ANKRD28: variants seen among roughly 807,000 people sequenced by gnomAD.
ANKRD28 encodes ankyrin repeat domain 28.
Under a neutral mutation model 126.5 loss-of-function variants are expected in ANKRD28, and 44 were observed. The ratio of observed to expected loss-of-function variants is 0.35; its 90% CI spans 0.27 to 0.45. ANKRD28 has a LOEUF of 0.45. Ranked by LOEUF, ANKRD28 falls within the 20% of genes least tolerant of loss-of-function variation. ANKRD28 has a pLI of 1.00. For missense variants in ANKRD28, 1,110 were observed against 1,316.6 expected (o/e 0.84, Z 2.43); for synonymous variants, 442 against 468.5 (o/e 0.94, Z 0.73).
chr3:15,676,005 T>C lies in ANKRD28; in HGVS notation c.2874-16A>G. Reference sequence around the variant, plus strand: ...ATGCAGAGGTCTAGGGGAAAAAACATGATACATGTACACATATGTGCATGT... The same window carrying C: ...ATGCAGAGGTCTAGGGGAAAAAACACGATACATGTACACATATGTGCATGT... On this transcript the variant is annotated splice_polypyrimidine_tract_variant and intron_variant, in intron 26 of 27. Transcript: ENST00000683139. 2 of 1,606,458 alleles carry C rather than the reference T, an allele frequency of 1.2e-6. No homozygotes were observed. Among genetic ancestry groups the C allele is most frequent in the African/African-American group, 1.3e-5 (1 of 74,896 alleles).
chr3:15,767,742 G>T (rs578203790), intron 2 of ANKRD28, among the ~76,000 whole-genome samples: 10 of 90,220 alleles, frequency 1.1e-4, no homozygotes, highest in Non-Finnish European at 1.6e-4. Context: ...AAAAAAAAAA[G>T]CCGCACGTGG....
chr3:15,755,713 T>TG (rs1279840876), intron 3 of ANKRD28, among the ~76,000 whole-genome samples: 2 of 152,170 alleles, frequency 1.3e-5, no homozygotes, highest in African/African-American at 4.8e-5. Context: ...AAACCAAATG[T>TG]CGTTAACCGC....
In ANKRD28 at chr3:15,843,895, A is replaced by C. The variant is rs952957792; in HGVS notation, c.27+15482T>G. The stretch of plus-strand genomic sequence containing the variant: ...AGAAGATGGAGATGAAAAGGAGAAG[A>C]CTGAAAGCGTGTGTACATTAGGAGT... On this transcript the variant is annotated intron_variant, in intron 1 of 27. Coordinates refer to the ANKRD28 transcript ENST00000399451. This position sits in a 1 kb window ranked among gnomAD's most constrained non-coding sequence, Gnocchi z 5.2. Among the ~76,000 whole-genome samples, 1 of 152,158 alleles carries C rather than the reference A, an allele frequency of 6.6e-6. No individual in the cohort carries two copies. The highest frequency in any genetic ancestry group is 1.5e-5 in the Non-Finnish European group (1 of 68,016).
Position 15,839,773 on chromosome 3 carries a change from T to A in ANKRD28, c.27+19604A>T, listed in dbSNP as rs575924469. Among the ~76,000 whole-genome samples, 17 of 152,202 alleles carry A rather than the reference T, an allele frequency of 1.1e-4. 1 individual carries two copies. In the South Asian group the frequency reaches 3.1e-3, roughly 28 times the overall value. On this transcript the variant is annotated intron_variant, in intron 1 of 27. Transcript: ENST00000399451. The surrounding 1 kb of genome is among the most constrained non-coding windows in gnomAD (Gnocchi z 4.3). ...ACATGCAATCAATTAATATGATACA[T>A]CATATCAACAAAATGAAGGACAAAA...
chr3:15,705,210 G>T (rs1294328824), intron 14 of ANKRD28, among the ~76,000 whole-genome samples: 1 of 152,124 alleles, frequency 6.6e-6, no homozygotes, highest in African/African-American at 2.4e-5. Context: ...TTTATATTCA[G>T]TAAGAAAACT....
rs1395499802 is a variant in ANKRD28, at chr3:15,674,756, T to C, written c.2965+1142A>G. On this transcript the variant is annotated intron_variant, in intron 27 of 27. Coordinates refer to ENST00000683139, the MANE Select transcript of ANKRD28 (RefSeq NM_001349278.2). The stretch of plus-strand genomic sequence containing the variant: ...AAAGAAATTAAGAAGGAATAACTAG[T>C]AATGTAGAAGGAAAACCAAGGAAGA... Among the ~76,000 whole-genome samples, 3 of 151,910 alleles carry C rather than the reference T, an allele frequency of 2.0e-5. No individual in the cohort carries two copies. The East Asian group carries it at 5.8e-4, about 29-fold the overall frequency.
chr3:15,769,423 C>T (rs2058893454), intron 2 of ANKRD28, among the ~76,000 whole-genome samples: 1 of 152,146 alleles, frequency 6.6e-6, no homozygotes, highest in Admixed American at 6.5e-5. Context: ...TCCCCTTAGA[C>T]ACAGTAATTC....
At chr3:15,765,732 C>T (rs1198333881) in intron 3 of ANKRD28, among the ~76,000 whole-genome samples, 9 of 151,544 alleles carry the variant, frequency 5.9e-5, no homozygotes, top group African/African-American at 1.7e-4. Flanking sequence ...CCCAGCTACT[C>T]GGGAGGCTGA....
intron 3 of ANKRD28, among the ~76,000 whole-genome samples, chr3:15,758,941 G>A (rs1188913288): frequency 1.3e-5 from 2 of 152,154 alleles, no homozygotes; most frequent in African/African-American, 4.8e-5. Flanking sequence ...CTTCCACAAT[G>A]CAGTCATTTA....
intron 23 of ANKRD28, among the ~76,000 whole-genome samples, chr3:15,678,795 T>C (rs2067222809): frequency 6.6e-6 from 1 of 152,218 alleles, no homozygotes; most frequent in South Asian, 2.1e-4. Flanking sequence ...TAAAATAGTT[T>C]AAAGGAGGAA....
chr3:15,682,381 T>C (rs1015394388), intron 21 of ANKRD28, among the ~76,000 whole-genome samples: 1 of 152,114 alleles, frequency 6.6e-6, no homozygotes, highest in African/African-American at 2.4e-5. Flanking sequence ...GTGGGGCCCC[T>C]TTGTGACCTC....
upstream of ANKRD28, among the ~76,000 whole-genome samples, chr3:15,798,771 T>C (rs2060385486): frequency 3.3e-5 from 5 of 151,954 alleles, no homozygotes; most frequent in South Asian, 1.0e-3. Context: ...ATTTCATCGT[T>C]TTTTTTCTTC....
In ANKRD28 at chr3:15,814,891, G is replaced by GTA. The variant is rs984245652; in HGVS notation, c.28-19587_28-19586dup. On this transcript the variant is annotated intron_variant, in intron 1 of 27. Transcript: ENST00000399451. The surrounding 1 kb of genome is among the most constrained non-coding windows in gnomAD (Gnocchi z 4.7). ...TTTATACATATATTATATATAAAAA[G>GTA]TATATATATATACTTTTTTAAAGGT... 1.3e-5 allele frequency among the ~76,000 whole-genome samples: 2 copies of GTA among 149,312 alleles called. No individual in the cohort carries two copies. Among genetic ancestry groups the GTA allele is most frequent in the Admixed American group, 6.7e-5 (1 of 14,938 alleles).
intron 4 of ANKRD28, among the ~76,000 whole-genome samples, chr3:15,737,899 TAAAA>T (rs34999182): frequency 2.1e-5 from 3 of 144,380 alleles, no homozygotes; most frequent in African/African-American, 2.6e-5. Flanking sequence ...TCAATTTCAT[TAAAA>T]AAAAAAAAAA....
chr3:15,818,986 G>T (rs1166764403), intron 1 of ANKRD28, among the ~76,000 whole-genome samples: 1 of 152,178 alleles, frequency 6.6e-6, no homozygotes, highest in Non-Finnish European at 1.5e-5. Context: ...CTACTAGAGT[G>T]CTCCAGTAAG....
chr3:15,772,391 T>A (rs1356352786), intron 2 of ANKRD28, among the ~76,000 whole-genome samples: 1 of 152,094 alleles, frequency 6.6e-6, no homozygotes, highest in Non-Finnish European at 1.5e-5. Context: ...GCCAACATTA[T>A]CATCCTGATA....
intron 1 of ANKRD28, among the ~76,000 whole-genome samples, chr3:15,847,894 T>G (rs1266134764): frequency 6.6e-6 from 1 of 152,238 alleles, no homozygotes; most frequent in Non-Finnish European, 1.5e-5. Flanking sequence ...GGCTCATGAT[T>G]GCTTTCAGAA....
At chr3:15,851,035 T>A (rs1221814131) in intron 1 of ANKRD28, among the ~76,000 whole-genome samples, 1 of 152,236 alleles carries the variant, frequency 6.6e-6, no homozygotes, top group African/African-American at 2.4e-5. Context: ...AACTGGTTGC[T>A]TCCTTGGTAT....
chr3:15,827,640 G>A (rs1444087555), intron 1 of ANKRD28, among the ~76,000 whole-genome samples: 1 of 152,124 alleles, frequency 6.6e-6, no homozygotes, highest in Non-Finnish European at 1.5e-5. Flanking sequence ...AAAACTCTTA[G>A]AAGAAAACAC....
Sources: gnomAD v4.1 joint callset for allele counts (sites outside exome capture counted in the v4.1 genomes callset) on GRCh38, gnomAD v4.1.1 for gene constraint, Gnocchi (gnomAD v3.1) non-coding constraint, MANE v1.5 for transcripts, NCBI Gene and HGNC (gene_info 2026-07-23, HGNC 2026-07-21) for gene names.